Variants in SPINK9 observed in about 807,000 individuals in gnomAD.
SPINK9 encodes the protein serine protease inhibitor Kazal-type 9.
SPINK9 carries 3 observed loss-of-function variants against 10.8 expected under a neutral mutation model. The observed-to-expected ratio is 0.28, with a 90% confidence interval of 0.13 to 0.72. The LOEUF (loss-of-function observed/expected upper bound fraction) is 0.72, where lower values mean the gene tolerates loss of function less well. SPINK9 is among the 30% of genes least tolerant of loss of function. The pLI is 0.74. For missense variants in SPINK9, 101 were observed against 103.2 expected, an observed-to-expected ratio of 0.98 and a Z score of 0.09; for synonymous variants, 30 against 31.2, an observed-to-expected ratio of 0.96 and a Z score of 0.12.
Position 148,339,729 on chromosome 5 carries a change from C to T in SPINK9, c.*17C>T. The T allele has an allele frequency of 6.2e-7, 1 of 1,601,310 alleles. No individual in the cohort carries two copies. The highest frequency in any genetic ancestry group is 8.6e-7 in the Non-Finnish European group (1 of 1,169,242). The stretch of plus-strand genomic sequence containing the variant: ...AAATGTTAAATCTATCTTGTGAGTC[C>T]AAAATATCTTTTAATGCATCTATTC... On this transcript the variant is annotated 3_prime_UTR_variant, in exon 4 of 4. Transcript: ENST00000377906.
chr5:148,325,517 T>C (rs181778864), intron 2 of SPINK9, among the ~76,000 whole-genome samples: 75 of 152,244 alleles, frequency 4.9e-4, no homozygotes, highest in African/African-American at 1.5e-3. Context: ...TAATAACTAA[T>C]GGTGTTAGCG....
chr5:148,333,405 C>T (rs1412542843), upstream of SPINK9, among the ~76,000 whole-genome samples: 2 of 152,226 alleles, frequency 1.3e-5, no homozygotes, highest in East Asian at 1.9e-4. Context: ...ACAGCAGCAG[C>T]ACAGCTACTG....
rs1757218740 is a variant in SPINK9, at chr5:148,336,452, T to C, written c.86T>C (p.Met29Thr). The C allele has an allele frequency of 6.2e-7, 1 of 1,613,394 alleles. No individual in the cohort carries two copies. The highest frequency in any genetic ancestry group is 8.5e-7 in the Non-Finnish European group (1 of 1,179,592). Residue 29 changes from methionine (M) to threonine (T), a missense_variant and splice_region_variant, in exon 2 of 4, where the codon ATG (methionine) becomes ACG (threonine). Met to Thr is a moderately conservative substitution (Grantham distance 81). Coordinates refer to ENST00000377906, the MANE Select transcript of SPINK9 (RefSeq NM_001040433.2). Reference sequence around the variant, plus strand: ...GAATGTGCCAAACAGACGAAACAGATGGTCAGTACACCCATCCTACTTTTA... The same window carrying C: ...GAATGTGCCAAACAGACGAAACAGACGGTCAGTACACCCATCCTACTTTTA... ...SIECAKQTKQ[M>T]VDCSHYKKLP... is the part of the protein sequence containing the mutation.
intron 2 of SPINK9, among the ~76,000 whole-genome samples, chr5:148,325,168 A>G (rs1178561821): frequency 6.6e-6 from 1 of 152,104 alleles, no homozygotes; most frequent in East Asian, 1.9e-4. Context: ...ACATTCAATC[A>G]TTCATAAATT....
upstream of SPINK9, among the ~76,000 whole-genome samples, chr5:148,333,492 T>C (rs1018828344): frequency 1.3e-5 from 2 of 152,244 alleles, no homozygotes; most frequent in African/African-American, 2.4e-5. Flanking sequence ...TCTGCACTCA[T>C]ATTTTACCCA....
chr5:148,322,396 G>A (rs918159263), intron 1 of SPINK9, among the ~76,000 whole-genome samples: 58 of 152,060 alleles, frequency 3.8e-4, no homozygotes, highest in African/African-American at 7.7e-4. Context: ...CAAAATATAC[G>A]TCTTTACTTT....
upstream of SPINK9, among the ~76,000 whole-genome samples, chr5:148,331,212 A>T (rs1231961531): frequency 6.6e-6 from 1 of 152,214 alleles, no homozygotes; most frequent in Non-Finnish European, 1.5e-5. Flanking sequence ...AGCTGTTCCT[A>T]TTCGGCCATC....
intron 1 of SPINK9, chr5:148,323,620 C>T: frequency 2.0e-6 from 1 of 510,596 alleles, no homozygotes; most frequent in South Asian, 3.1e-5. Flanking sequence ...TGGGAAGCTG[C>T]TAACTTGCCG....
upstream of SPINK9, among the ~76,000 whole-genome samples, chr5:148,330,854 A>T (rs1028005233): frequency 6.6e-6 from 1 of 152,198 alleles, no homozygotes; most frequent in Non-Finnish European, 1.5e-5. Flanking sequence ...TCTGGCTTAT[A>T]GAGTTTCTCC....
intron 2 of SPINK9, among the ~76,000 whole-genome samples, chr5:148,326,845 A>C (rs1217112186): frequency 6.6e-6 from 1 of 151,978 alleles, no homozygotes; most frequent in African/African-American, 2.4e-5. Context: ...ACATGAACTC[A>C]TCATTTTTTA....
intron 2 of SPINK9, among the ~76,000 whole-genome samples, chr5:148,327,517 C>T (rs1757081495): frequency 1.3e-5 from 2 of 152,122 alleles, no homozygotes; most frequent in South Asian, 2.1e-4. Flanking sequence ...TAATTAGTTG[C>T]CATTTGTCAA....
At chr5:148,328,550 G>T (rs1581186164) in intron 2 of SPINK9, among the ~76,000 whole-genome samples, 1 of 152,178 alleles carries the variant, frequency 6.6e-6, no homozygotes, top group African/African-American at 2.4e-5. Flanking sequence ...TTGAATAGGA[G>T]TGGTGAGAGA....
chr5:148,330,561 G>T (rs1757135323), upstream of SPINK9, among the ~76,000 whole-genome samples: 1 of 152,164 alleles, frequency 6.6e-6, no homozygotes, highest in Non-Finnish European at 1.5e-5. Flanking sequence ...ATGTTAGCTG[G>T]TTATTTTGCT....
At chr5:148,326,768 G>T (rs1314733468) in intron 2 of SPINK9, among the ~76,000 whole-genome samples, 1 of 152,048 alleles carries the variant, frequency 6.6e-6, no homozygotes, top group African/African-American at 2.4e-5. Context: ...GCGGTGTTTG[G>T]TTTTTTGTCC....
upstream of SPINK9, among the ~76,000 whole-genome samples, chr5:148,334,224 G>A (rs1363666176): frequency 6.6e-6 from 1 of 151,978 alleles, no homozygotes; most frequent in Non-Finnish European, 1.5e-5. Flanking sequence ...AACTTTATCA[G>A]ATATCAAGGG....
At chr5:148,322,568 C>T (rs1330379647) in intron 1 of SPINK9, among the ~76,000 whole-genome samples, 1 of 152,198 alleles carries the variant, frequency 6.6e-6, no homozygotes, top group Non-Finnish European at 1.5e-5. Flanking sequence ...GGACCAAATA[C>T]TATTTCCAGA....
At chr5:148,323,101 AAAT>A (rs762489497) in intron 1 of SPINK9, among the ~76,000 whole-genome samples, 1 of 152,216 alleles carries the variant, frequency 6.6e-6, no homozygotes, top group Non-Finnish European at 1.5e-5. Flanking sequence ...TTAATGTATG[AAAT>A]ATAAAAGTAA....
rs774897041 is a variant in SPINK9, at chr5:148,338,557, C to G, written c.167C>G (p.Ser56Cys). 6.2e-7 allele frequency: 1 copy of G among 1,605,430 alleles called. No homozygotes were observed. The highest frequency in any genetic ancestry group is 2.2e-5 in the East Asian group (1 of 44,690). The change falls in exon 3 of 4, where the codon TCT (serine) becomes TGT (cysteine). Residue 56 changes from serine (S) to cysteine (C), a missense_variant. By Grantham distance (112) the Ser-to-Cys change is moderately radical. Transcript: ENST00000377906. ...CATATGTATGATCCAATTTGTGGAT[C>G]TGATGGCAAAACTTATAAAAATGAT... Reference protein sequence around the residue: ...CHHMYDPICGSDGKTYKNDCF... With the variant: ...CHHMYDPICGCDGKTYKNDCF...
intron 1 of SPINK9, among the ~76,000 whole-genome samples, chr5:148,322,886 T>G (rs931315025): frequency 6.6e-6 from 1 of 152,106 alleles, no homozygotes; most frequent in African/African-American, 2.4e-5. Flanking sequence ...CTTCCAGCAT[T>G]TATCAAAACT....
Sources: allele counts gnomAD v4.1 joint callset (sites outside exome capture counted in the v4.1 genomes callset), GRCh38; gene constraint gnomAD v4.1.1; transcripts MANE v1.5; gene names NCBI Gene and HGNC (gene_info 2026-07-23, HGNC 2026-07-21).